The following NALF1 variants were observed in gnomAD, a reference collection of about 807,000 sequenced individuals.
NALF1 encodes the protein NALCN channel auxiliary factor 1, also known as family with sequence similarity 155 member A.
A neutral mutation model predicts 48.4 loss-of-function variants in NALF1; 3 were observed. The ratio of observed to expected loss-of-function variants is 0.06; its 90% CI spans 0.03 to 0.16. NALF1 has a LOEUF of 0.16. Ranked by LOEUF, NALF1 falls within the 10% of genes least tolerant of loss-of-function variation. The probability of loss-of-function intolerance (pLI) is 1.00; values close to 1 mark genes in which losing one functional copy is unlikely to be tolerated. For missense variants in NALF1, 526 were observed against 571.5 expected, an observed-to-expected ratio of 0.92 and a Z score of 0.81; for synonymous variants, 262 against 245.7, an observed-to-expected ratio of 1.07 and a Z score of -0.62.
intron 1 of NALF1, among the ~76,000 whole-genome samples, chr13:107,271,070 T>C (rs1008219707): frequency 2.6e-5 from 4 of 152,198 alleles, no homozygotes; most frequent in Non-Finnish European, 5.9e-5. Context: ...ATTTCTTATG[T>C]ATGAAATAAT....
intron 1 of NALF1, among the ~76,000 whole-genome samples, chr13:107,406,092 A>G (rs78260150): frequency 0.015 from 2,251 of 152,170 alleles, 26 homozygotes; most frequent in South Asian, 0.034. Flanking sequence ...AGGCTATCCA[A>G]CCAACCAACA....
chr13:107,619,521 A>T (rs7327656), intron 1 of NALF1, among the ~76,000 whole-genome samples: 1 of 152,038 alleles, frequency 6.6e-6, no homozygotes, highest in Non-Finnish European at 1.5e-5. Context: ...AAACTCAGGG[A>T]TGCCTGATAA....
At chr13:107,483,209 AC>A (rs1885280195) in intron 1 of NALF1, among the ~76,000 whole-genome samples, 2 of 152,182 alleles carry the variant, frequency 1.3e-5, no homozygotes, top group Non-Finnish European at 2.9e-5. Flanking sequence ...ATGTTGTATG[AC>A]CAGCAAAATG....
intron 1 of NALF1, among the ~76,000 whole-genome samples, chr13:107,221,838 G>A (rs957902318): frequency 6.6e-6 from 1 of 152,162 alleles, no homozygotes; most frequent in Non-Finnish European, 1.5e-5. Context: ...CAGTTATGCA[G>A]AGGTAAATAT....
intron 1 of NALF1, among the ~76,000 whole-genome samples, chr13:107,614,728 C>G (rs980744668): frequency 6.6e-6 from 1 of 151,728 alleles, no homozygotes; most frequent in Non-Finnish European, 1.5e-5. Flanking sequence ...TGAAACTTTG[C>G]CCTTTCCCTA....
At chr13:107,663,511 G>A (rs1171158916) in intron 1 of NALF1, among the ~76,000 whole-genome samples, 1 of 152,184 alleles carries the variant, frequency 6.6e-6, no homozygotes, top group Non-Finnish European at 1.5e-5. Context: ...GCAGAAGCCT[G>A]TCAAGATAAT....
At chr13:107,836,394 C>T (rs527307980) in intron 1 of NALF1, among the ~76,000 whole-genome samples, 1 of 152,156 alleles carries the variant, frequency 6.6e-6, no homozygotes, top group East Asian at 1.9e-4. Flanking sequence ...ATACAAAAGG[C>T]ACTTAGGAGA....
intron 1 of NALF1, among the ~76,000 whole-genome samples, chr13:107,246,312 C>T (rs7992529): frequency 0.32 from 48,834 of 151,994 alleles, 8,284 homozygotes; most frequent in East Asian, 0.52. Flanking sequence ...TACATTTTAT[C>T]TCAATAGTTA....
chr13:107,777,771 C>T (rs1444985755), intron 1 of NALF1, among the ~76,000 whole-genome samples: 2 of 152,092 alleles, frequency 1.3e-5, no homozygotes, highest in East Asian at 3.9e-4. Context: ...CCATCAATGC[C>T]TTTAAGAACA....
intron 1 of NALF1, among the ~76,000 whole-genome samples, chr13:107,325,841 AAC>A (rs149568387): frequency 0.048 from 3,724 of 77,004 alleles, 135 homozygotes; most frequent in African/African-American, 0.066. Context: ...ACTGTGTCTC[AAC>A]ACACACACAC....
chr13:107,623,893 A>C (rs1376779361), intron 1 of NALF1, among the ~76,000 whole-genome samples: 1 of 152,212 alleles, frequency 6.6e-6, no homozygotes, highest in African/African-American at 2.4e-5. Flanking sequence ...GATGGAGAGA[A>C]AATGACATGC....
chr13:107,657,272 G>T (rs577372517), intron 1 of NALF1, among the ~76,000 whole-genome samples: 28 of 152,194 alleles, frequency 1.8e-4, no homozygotes, highest in Admixed American at 1.0e-3. Context: ...TGTATATAGA[G>T]AGAGAGAGAG....
intron 1 of NALF1, among the ~76,000 whole-genome samples, chr13:107,492,057 T>G (rs962730224): frequency 1.4e-5 from 2 of 143,662 alleles, no homozygotes; most frequent in African/African-American, 5.3e-5. Context: ...TTTTTTTTTT[T>G]GGTGAGGCAG....
intron 1 of NALF1, among the ~76,000 whole-genome samples, chr13:107,468,034 C>T (rs1229983535): frequency 7.4e-6 from 1 of 134,308 alleles, no homozygotes; most frequent in African/African-American, 3.0e-5. Flanking sequence ...GGCGACAGAG[C>T]GAGACTCCGT....
At chr13:107,471,311 A>G (rs1885096799) in intron 1 of NALF1, among the ~76,000 whole-genome samples, 1 of 152,230 alleles carries the variant, frequency 6.6e-6, no homozygotes, top group African/African-American at 2.4e-5. Context: ...CTTAAAAAAT[A>G]AGACACATGT....
intron 1 of NALF1, among the ~76,000 whole-genome samples, chr13:107,323,695 A>G (rs1437725717): frequency 6.6e-6 from 1 of 152,156 alleles, no homozygotes; most frequent in Non-Finnish European, 1.5e-5. Flanking sequence ...TGCAATAAAC[A>G]TTTCTCAAAC....
chr13:107,740,029 TAATAGA>T (rs2138543364), intron 1 of NALF1, among the ~76,000 whole-genome samples: 1 of 152,198 alleles, frequency 6.6e-6, no homozygotes, highest in South Asian at 2.1e-4. Context: ...GGTGTAATAA[TAATAGA>T]AATAAAGTGC....
intron 1 of NALF1, among the ~76,000 whole-genome samples, chr13:107,774,667 GC>G (rs1207326755): frequency 6.6e-6 from 1 of 152,152 alleles, no homozygotes; most frequent in Non-Finnish European, 1.5e-5. Context: ...CCTATTATAT[GC>G]AATACCTATT....
chr13:107,733,649 T>C (rs1187988901), intron 1 of NALF1, among the ~76,000 whole-genome samples: 1 of 152,166 alleles, frequency 6.6e-6, no homozygotes, highest in Non-Finnish European at 1.5e-5. Flanking sequence ...TTTTATTCAT[T>C]TCTAATCTAC....
Sources: gnomAD v4.1 joint callset for allele counts (sites outside exome capture counted in the v4.1 genomes callset) on GRCh38, gnomAD v4.1.1 for gene constraint, MANE v1.5 for transcripts, NCBI Gene and HGNC (gene_info 2026-07-23, HGNC 2026-07-21) for gene names.